ASCC1: variants seen among roughly 807,000 people sequenced by gnomAD.
ASCC1 encodes the protein activating signal cointegrator 1 complex subunit 1.
In ASCC1, 35 loss-of-function variants were observed where a neutral mutation model predicts 46.6. The observed-to-expected ratio is 0.75, with a 90% CI of 0.57 to 0.99. ASCC1 has a LOEUF of 0.99. Ranked by LOEUF, ASCC1 falls within the 50% of genes least tolerant of loss-of-function variation. The pLI is 0.00. For missense variants in ASCC1, 376 were observed against 428.7 expected, an observed-to-expected ratio of 0.88 and a Z score of 1.09; for synonymous variants, 143 against 146.6, an observed-to-expected ratio of 0.98 and a Z score of 0.18.
At chr10:72,178,145 G>A (rs763727032) in intron 5 of ASCC1, among the ~76,000 whole-genome samples, 8 of 152,202 alleles carry the variant, frequency 5.3e-5, no homozygotes, top group Non-Finnish European at 1.0e-4. Context: ...AGGATGATCA[G>A]AAGGATAGAA....
chr10:72,148,168 G>T (rs1847864167), intron 7 of ASCC1, among the ~76,000 whole-genome samples: 1 of 152,034 alleles, frequency 6.6e-6, no homozygotes, highest in Admixed American at 6.6e-5. Flanking sequence ...CAGTAAAAAT[G>T]ATTTTATTAA....
chr10:72,108,426 A>C (rs1243643797), intron 9 of ASCC1, among the ~76,000 whole-genome samples: 2 of 152,198 alleles, frequency 1.3e-5, no homozygotes, highest in Admixed American at 6.5e-5. Flanking sequence ...ACAGAAAAGA[A>C]AACAAACTGT....
intron 5 of ASCC1, among the ~76,000 whole-genome samples, chr10:72,183,123 A>G (rs1483453337): frequency 2.0e-5 from 3 of 150,890 alleles, no homozygotes; most frequent in Admixed American, 6.6e-5. Context: ...GCTCACTGCA[A>G]CCTCCACCTC....
At position 72,160,380 on chromosome 10, in the gene ASCC1, G is replaced by A. The variant is rs1433158631; in HGVS notation, c.626+1158C>T. Among the ~76,000 whole-genome samples the A allele has an allele frequency of 7.9e-5, 12 of 152,232 alleles. No homozygotes were observed. The East Asian group carries it at 1.5e-3, about 20-fold the overall frequency. Reference sequence around the variant, plus strand: ...ATTGGCTTTCACATTTCTCTCTTTTGTCAATCTTAAGTAAAAGGAAGAAAG... The same window carrying A: ...ATTGGCTTTCACATTTCTCTCTTTTATCAATCTTAAGTAAAAGGAAGAAAG... On this transcript the variant is annotated intron_variant, in intron 6 of 9. Transcript: ENST00000672957.
At position 72,149,360 on chromosome 10, in the gene ASCC1, C is replaced by T. The variant is rs183190644; in HGVS notation, c.746+3509G>A. On this transcript the variant is annotated intron_variant, in intron 7 of 9. Transcript: ENST00000672957. ...GGCTGAGGCAGGAGAATGGCGTGAA[C>T]CCGGGAGGCGGAGCTTGCAGTAAGC... Among the ~76,000 whole-genome samples, 374 of 144,754 alleles carry T rather than the reference C, an allele frequency of 2.6e-3. 2 individuals carry two copies. Among genetic ancestry groups the T allele is most frequent in the Non-Finnish European group, 3.1e-3 (207 of 67,440 alleles). 95.0% of individuals were successfully genotyped at this position (144,754 alleles called of 152,430 possible). A position where few individuals can be genotyped will look rare whatever the true frequency, so the allele number is the denominator to read the frequency against.
rs116804104 is a variant in ASCC1, at chr10:72,118,240, G to A, written c.957+9842C>T. On this transcript the variant is annotated intron_variant, in intron 9 of 9. Transcript: ENST00000672957. ...AAACTAGTCGGGGGTGGTGGCACACGCGTATAGTCCCAGCTACTTGGGAGG... is the reference window on the plus strand; with the variant it reads ...AAACTAGTCGGGGGTGGTGGCACACACGTATAGTCCCAGCTACTTGGGAGG... Among the ~76,000 whole-genome samples, 371 of 151,952 alleles carry A rather than the reference G, an allele frequency of 2.4e-3. 2 individuals are homozygous for A. Among genetic ancestry groups the A allele is most frequent in the African/African-American group, 8.4e-3 (350 of 41,440 alleles).
At chr10:72,196,767 A>G (rs368882004) in intron 5 of ASCC1, 44 bp downstream of exon 5, 130 of 1,558,270 alleles carry the variant, frequency 8.3e-5, no homozygotes, top group Non-Finnish European at 1.1e-4. Flanking sequence ...TATTCTTTTT[A>G]TATTTAACTT....
intron 5 of ASCC1, among the ~76,000 whole-genome samples, chr10:72,191,251 G>A (rs1854449639): frequency 2.0e-5 from 3 of 146,400 alleles, no homozygotes; most frequent in Admixed American, 6.8e-5. Flanking sequence ...ATTTTTAGTA[G>A]AGACGAGGTT....
intron 9 of ASCC1, among the ~76,000 whole-genome samples, chr10:72,125,463 G>A (rs1312240663): frequency 2.0e-5 from 3 of 152,004 alleles, no homozygotes; most frequent in African/African-American, 7.3e-5. Context: ...TATATATGAA[G>A]TTCACTGGTT....
At chr10:72,158,458 A>C (rs370060303) in intron 6 of ASCC1, among the ~76,000 whole-genome samples, 1 of 152,188 alleles carries the variant, frequency 6.6e-6, no homozygotes, top group African/African-American at 2.4e-5. Flanking sequence ...TGTGTCCTAC[A>C]TCTCACAAAG....
intron 9 of ASCC1, among the ~76,000 whole-genome samples, chr10:72,112,223 C>T (rs28671552): frequency 0.025 from 3,874 of 152,254 alleles, 158 homozygotes; most frequent in African/African-American, 0.09. Context: ...AATATATGTA[C>T]AATGGAATAA....
intron 7 of ASCC1, among the ~76,000 whole-genome samples, chr10:72,143,212 GT>G (rs1847242517): frequency 6.8e-6 from 1 of 147,170 alleles, no homozygotes; most frequent in South Asian, 2.1e-4. Flanking sequence ...AATGTGTTTT[GT>G]CATAGTTATT....
chr10:72,173,465 A>C (rs1413224275), intron 5 of ASCC1, among the ~76,000 whole-genome samples: 1 of 152,214 alleles, frequency 6.6e-6, no homozygotes, highest in Non-Finnish European at 1.5e-5. Flanking sequence ...AAGACAAGGT[A>C]CAGACAGGAC....
At chr10:72,097,983 G>GCA (rs377354199) in intron 9 of ASCC1, among the ~76,000 whole-genome samples, 1 of 152,136 alleles carries the variant, frequency 6.6e-6, no homozygotes, top group Non-Finnish European at 1.5e-5. Flanking sequence ...CACAGAGCAT[G>GCA]CACACACACA....
intron 7 of ASCC1, 62 bp downstream of exon 7, chr10:72,152,807 A>C: frequency 1.4e-5 from 22 of 1,600,192 alleles, no homozygotes; most frequent in Non-Finnish European, 1.9e-5. Context: ...AAATGAATCA[A>C]ACTTTTGAGG....
intron 3 of ASCC1, 116 bp downstream of exon 3, chr10:72,210,616 C>A: frequency 2.5e-6 from 2 of 789,918 alleles, no homozygotes. Context: ...CATAACACTA[C>A]ACTATTTTAT....
chr10:72,204,341 T>C, intron 3 of ASCC1: 1 of 1,524,388 alleles, frequency 6.6e-7, no homozygotes, highest in Non-Finnish European at 8.9e-7. Flanking sequence ...AACTCTCGAC[T>C]ACCCCATGAA....
chr10:72,214,212 A>C (rs533662037), intron 1 of ASCC1, among the ~76,000 whole-genome samples: 1 of 152,036 alleles, frequency 6.6e-6, no homozygotes, highest in African/African-American at 2.4e-5. Context: ...AACAACAAAA[A>C]AAAGAGAGAT....
chr10:72,120,031 G>A (rs909407364), intron 9 of ASCC1, among the ~76,000 whole-genome samples: 10 of 152,200 alleles, frequency 6.6e-5, no homozygotes, highest in Non-Finnish European at 1.2e-4. Flanking sequence ...GAGGTCAGGA[G>A]TTTAAGACTG....
Sources: gnomAD v4.1 joint callset for allele counts (sites outside exome capture counted in the v4.1 genomes callset) on GRCh38, gnomAD v4.1.1 for gene constraint, MANE v1.5 for transcripts, NCBI Gene and HGNC (gene_info 2026-07-23, HGNC 2026-07-21) for gene names.